Variants in LAP3 observed in about 807,000 individuals in gnomAD.
LAP3 encodes cytosol aminopeptidase.
LAP3 carries 46 observed loss-of-function variants against 58.8 expected under a neutral mutation model. That is an observed-to-expected ratio of 0.78 (90% CI 0.62 to 1.00). The LOEUF (loss-of-function observed/expected upper bound fraction) is 1.00. Ranked by LOEUF, LAP3 falls within the 50% of genes least tolerant of loss-of-function variation. The pLI is 0.00. For synonymous variants in LAP3, 257 were observed against 237.7 expected, an observed-to-expected ratio of 1.08 and a Z score of -0.75; for missense variants, 615 against 659.1, an observed-to-expected ratio of 0.93 and a Z score of 0.73.
chr4:17,588,288 G>C (rs1336899047), intron 6 of LAP3, among the ~76,000 whole-genome samples: 2 of 151,732 alleles, frequency 1.3e-5, no homozygotes. Flanking sequence ...TCCTTCATTG[G>C]CCTCTAATTT....
Position 17,583,604 on chromosome 4 carries a change from A to G in LAP3, c.501A>G (p.Gln167=). The change falls in exon 5 of 13, where the codon CAA becomes CAG. Residue 167 remains glutamine, a synonymous_variant. Coordinates refer to ENST00000226299, the MANE Select transcript of LAP3 (RefSeq NM_015907.3). ...LGLYEYDDLK[Q]KKKMAVSAKL... ...TCTATGAATACGATGACCTAAAGCA[A>G]AAAAAGAAGATGGCTGTGTCGGCAA... The G allele has an allele frequency of 1.9e-6, 3 of 1,614,178 alleles. No homozygotes were observed. Among genetic ancestry groups the G allele is most frequent in the Non-Finnish European group, 2.5e-6 (3 of 1,180,040 alleles).
In LAP3 at chr4:17,595,548, C is replaced by T. The variant is rs541831682; in HGVS notation, c.988+14C>T. On this transcript the variant is annotated intron_variant, in intron 8 of 12. Transcript: ENST00000226299. Reference sequence around the variant, plus strand: ...TTAATATTATAGGTAAGTGGGGTAACGGATTACATCTCATAACGCTTCTGG... The same window carrying T: ...TTAATATTATAGGTAAGTGGGGTAATGGATTACATCTCATAACGCTTCTGG... 42 of 1,612,382 alleles carry T rather than the reference C, an allele frequency of 2.6e-5. No individual in the cohort carries two copies. The East Asian group carries it at 5.1e-4, about 20-fold the overall frequency.
At position 17,607,543 on chromosome 4, in the gene LAP3, G is replaced by T. The variant is rs567289197; in HGVS notation, c.1514G>T (p.Arg505Met). Residue 505 changes from arginine (R) to methionine (M), a missense_variant, in exon 13 of 13, where the codon AGG becomes ATG. Coordinates refer to ENST00000226299, the MANE Select transcript of LAP3 (RefSeq NM_015907.3). ...LRKGMTGRPT[R>M]TLIEFLLRFS... is the part of the protein sequence containing the mutation. The stretch of plus-strand genomic sequence containing the variant: ...AAAGGCATGACTGGGAGGCCCACAA[G>T]GACTCTCATTGAGTTCTTACTTCGT... 2.5e-6 allele frequency: 4 copies of T among 1,613,950 alleles called. No individual in the cohort carries two copies. The South Asian group carries it at 4.4e-5, about 18-fold the overall frequency.
intron 1 of LAP3, among the ~76,000 whole-genome samples, chr4:17,577,958 A>G (rs1713254652): frequency 6.6e-6 from 1 of 152,204 alleles, no homozygotes; most frequent in South Asian, 2.1e-4. Flanking sequence ...CCAGAGTCAC[A>G]GGGCTCCTTC....
At chr4:17,587,973 A>G (rs943635069) in intron 6 of LAP3, among the ~76,000 whole-genome samples, 12 of 151,750 alleles carry the variant, frequency 7.9e-5, no homozygotes, top group Admixed American at 2.6e-4. Context: ...TTTAGAAATA[A>G]AGCAATGGAC....
chr4:17,589,918 A>G (rs1427573349), intron 7 of LAP3, among the ~76,000 whole-genome samples: 18 of 151,952 alleles, frequency 1.2e-4, no homozygotes, highest in Admixed American at 1.2e-3. Flanking sequence ...TCTAGCTCCC[A>G]TTAATCTTAT....
chr4:17,591,134 T>C (rs537516488), intron 7 of LAP3, among the ~76,000 whole-genome samples: 2 of 151,856 alleles, frequency 1.3e-5, no homozygotes, highest in African/African-American at 4.8e-5. Flanking sequence ...TGGAGTGCAT[T>C]GGCGCAGTCT....
At chr4:17,603,822 TTTTCTTTC>T (rs869250724) in intron 10 of LAP3, among the ~76,000 whole-genome samples, 10 of 84,520 alleles carry the variant, frequency 1.2e-4, no homozygotes, top group Admixed American at 2.9e-4. Flanking sequence ...CCTTTTTTTT[TTTTCTTTC>T]TTTCTTTTTT....
chr4:17,598,689 C>G (rs1346838172), intron 10 of LAP3, 131 bp downstream of exon 10: 1 of 643,762 alleles, frequency 1.6e-6, no homozygotes, highest in East Asian at 2.7e-5. Context: ...GATCTTTCAC[C>G]AGAGGAATTG....
chr4:17,582,602 A>G (rs1278289305), intron 4 of LAP3: 9 of 486,754 alleles, frequency 1.8e-5, no homozygotes, highest in South Asian at 1.5e-4. Context: ...TATTTTTAAT[A>G]TATCTATATC....
chr4:17,589,788 A>C (rs1349205790), intron 7 of LAP3, among the ~76,000 whole-genome samples: 2 of 152,148 alleles, frequency 1.3e-5, no homozygotes, highest in Non-Finnish European at 2.9e-5. Context: ...TCTGCCATGC[A>C]CTTTGCTTGT....
chr4:17,606,795 A>G, intron 11 of LAP3, 34 bp from the exon 12 acceptor site: 1 of 1,455,346 alleles, frequency 6.9e-7, no homozygotes, highest in Non-Finnish European at 9.5e-7. Context: ...AACCTGCCTC[A>G]TCCACTCTTC....
Position 17,585,050 on chromosome 4 carries a change from A to G in LAP3, c.618A>G (p.Pro206=), listed in dbSNP as rs1713467249. ...TGGCACGCCAATTGATGGAGACGCC[A>G]GCCAATGAGATGACGCCAACCAGAT... ...QNLARQLMET[P]ANEMTPTRFA... Residue 206 remains proline, a synonymous_variant, in exon 6 of 13, where the codon CCA becomes CCG. Coordinates refer to ENST00000226299, the MANE Select transcript of LAP3 (RefSeq NM_015907.3). The G allele has an allele frequency of 6.2e-6, 10 of 1,614,132 alleles. No individual in the cohort carries two copies. The highest frequency in any genetic ancestry group is 7.6e-6 in the Non-Finnish European group (9 of 1,179,982).
Position 17,604,642 on chromosome 4 carries a change from C to A in LAP3, c.1235C>A (p.Ser412Tyr). 6.2e-7 allele frequency: 1 copy of A among 1,613,370 alleles called. No homozygotes were observed. Among genetic ancestry groups the A allele is most frequent in the Non-Finnish European group, 8.5e-7 (1 of 1,179,342 alleles). ...SGATGVFTNS[S>Y]WLWNKLFEAS... ...GCCACTGGGGTCTTTACCAATTCAT[C>A]CTGGCTCTGGAACAAACTCTTCGAG... The change falls in exon 11 of 13, where the codon TCC becomes TAC. Residue 412 changes from serine to tyrosine, a missense_variant. Transcript: ENST00000226299.
chr4:17,580,165 C>CATATATATGTATATATATATATAT (rs1553880882), intron 2 of LAP3, among the ~76,000 whole-genome samples: 1 of 45,984 alleles, frequency 2.2e-5, no homozygotes, highest in African/African-American at 1.3e-4. Flanking sequence ...TCCCGGCTTT[C>CATATATATGTATATATATATATAT]ATATATATAT....
intron 5 of LAP3, among the ~76,000 whole-genome samples, chr4:17,584,627 G>A (rs958018800): frequency 7.9e-5 from 12 of 152,186 alleles, no homozygotes; most frequent in African/African-American, 2.7e-4. Context: ...AACAAAACGG[G>A]CTTTTCTGTG....
intron 3 of LAP3, 71 bp downstream of exon 3, chr4:17,581,885 C>A: frequency 8.8e-7 from 1 of 1,141,506 alleles, no homozygotes. Context: ...TTGGGGCTGT[C>A]TAGTCATACT....
At chr4:17,595,697 T>G (rs551402469) in intron 8 of LAP3, among the ~76,000 whole-genome samples, 163 bp downstream of exon 8, 15 of 152,178 alleles carry the variant, frequency 9.9e-5, no homozygotes, top group Non-Finnish European at 1.9e-4. Flanking sequence ...TTTTACTGTC[T>G]GAGCTGATTG....
chr4:17,592,991 T>C (rs1309721629), intron 7 of LAP3, among the ~76,000 whole-genome samples: 1 of 151,838 alleles, frequency 6.6e-6, no homozygotes, highest in African/African-American at 2.4e-5. Context: ...TAGAGACGGG[T>C]TTTCACCATG....
Sources: allele counts gnomAD v4.1 joint callset (sites outside exome capture counted in the v4.1 genomes callset), GRCh38; gene constraint gnomAD v4.1.1; transcripts MANE v1.5; gene names NCBI Gene and HGNC (gene_info 2026-07-23, HGNC 2026-07-21).